Variants in WLS observed in about 807,000 individuals in gnomAD.
The protein encoded by WLS is Wnt ligand secretion mediator.
In WLS, 23 loss-of-function variants were observed where a neutral mutation model predicts 62.8. That is an observed-to-expected ratio of 0.37 (90% confidence interval 0.26 to 0.52). The LOEUF is 0.52. Among genes scored for constraint, WLS ranks in the 20% least tolerant of loss-of-function variants. The probability of loss-of-function intolerance (pLI) is 0.92; values close to 1 mark genes in which losing one functional copy is unlikely to be tolerated. For synonymous variants in WLS, 246 were observed against 244.1 expected (o/e 1.01, Z -0.07); for missense variants, 615 against 697.3 (o/e 0.88, Z 1.33).
At chr1:68,152,687 G>A (rs1327988915) in intron 5 of WLS, among the ~76,000 whole-genome samples, 2 of 152,202 alleles carry the variant, frequency 1.3e-5, no homozygotes, top group Admixed American at 6.5e-5. Flanking sequence ...ATATGCACAA[G>A]GTTTTTGAGA....
At chr1:68,160,501 G>A (rs1646958031) in intron 2 of WLS, among the ~76,000 whole-genome samples, 1 of 152,158 alleles carries the variant, frequency 6.6e-6, no homozygotes, top group Non-Finnish European at 1.5e-5. Context: ...TTGGAAATTG[G>A]CTAATTGACA....
intron 11 of WLS, among the ~76,000 whole-genome samples, chr1:68,132,457 G>A (rs1646541315): frequency 6.6e-6 from 1 of 152,160 alleles, no homozygotes; most frequent in African/African-American, 2.4e-5. Flanking sequence ...CAGGGCCTCA[G>A]GACTTAATCC....
chr1:68,180,830 G>A (rs1647524329), intron 2 of WLS, among the ~76,000 whole-genome samples: 1 of 152,132 alleles, frequency 6.6e-6, no homozygotes, highest in African/African-American at 2.4e-5. Context: ...AAGAGAGATA[G>A]ATTCACTATG....
At chr1:68,181,248 AAAAAATACCTTCTATAC>A (rs1336082770) in intron 2 of WLS, among the ~76,000 whole-genome samples, 1 of 152,220 alleles carries the variant, frequency 6.6e-6, no homozygotes, top group Non-Finnish European at 1.5e-5. Flanking sequence ...GGTGAAAACA[AAAAAATACCTTCTATAC>A]ATTGGGGGCA....
intron 1 of WLS, among the ~76,000 whole-genome samples, chr1:68,200,401 T>A (rs991999418): frequency 2.4e-4 from 36 of 151,448 alleles, no homozygotes; most frequent in African/African-American, 8.2e-4. Context: ...CCATAAAACA[T>A]TTTGGGGTAC....
chr1:68,109,796 T>C (rs763896974), intron 11 of WLS, among the ~76,000 whole-genome samples: 5 of 151,998 alleles, frequency 3.3e-5, no homozygotes, highest in Non-Finnish European at 7.4e-5. Context: ...CCAAACTTAT[T>C]AAAACTACAG....
intron 2 of WLS, among the ~76,000 whole-genome samples, chr1:68,164,469 G>A (rs1191792987): frequency 6.6e-6 from 1 of 152,114 alleles, no homozygotes; most frequent in African/African-American, 2.4e-5. Flanking sequence ...TGGTGGTCAG[G>A]CTGGTCTTGA....
At chr1:68,153,442 C>A in intron 5 of WLS, 75 bp downstream of exon 5, 1 of 1,591,600 alleles carries the variant, frequency 6.3e-7, no homozygotes, top group Non-Finnish European at 8.6e-7. Flanking sequence ...TTGAACTGGA[C>A]ACCAGCAAAA....
At chr1:68,187,274 A>C (rs921817694) in intron 2 of WLS, among the ~76,000 whole-genome samples, 5 of 150,764 alleles carry the variant, frequency 3.3e-5, no homozygotes, top group African/African-American at 9.8e-5. Flanking sequence ...TTTTCTTGAT[A>C]GCTCTATTAA....
intron 10 of WLS, chr1:68,141,447 AC>A (rs1646684987): frequency 6.6e-6 from 1 of 152,174 alleles, no homozygotes; most frequent in Non-Finnish European, 1.5e-5. Context: ...GAAATACCAG[AC>A]TGCGATGTAC....
Position 68,126,028 on chromosome 1 carries a change from T to TTAG in WLS, c.*195_*197dup. The TTAG allele has an allele frequency of 7.0e-7, 1 of 1,424,286 alleles. No individual in the cohort carries two copies. The highest frequency in any genetic ancestry group is 1.6e-5 in the South Asian group (1 of 63,486). The allele number at this position is 1,424,286 out of a possible 1,614,324, so 88.2% of individuals were successfully genotyped here. ...AGTTTTTGTTATCATACACAATGCA[T>TTAG]TAGTGGCTGCAGGAATCTTCCTCCA... On this transcript the variant is annotated 3_prime_UTR_variant, in exon 12 of 12. Transcript: ENST00000262348.
rs374111347 is a variant in WLS at position 68,144,527 on chromosome 1, C to T, written c.1362+42G>A. ...ATTTCTGTGCAGGGTAGAGGGATCT[C>T]TGCAGAGACATTCTCACCTTGACAT... is the stretch of plus-strand genomic sequence containing the variant. On this transcript the variant is annotated intron_variant, in intron 10 of 11. Coordinates refer to ENST00000262348, the MANE Select transcript of WLS (RefSeq NM_024911.7). 106 of 1,583,044 alleles carry T rather than the reference C, an allele frequency of 6.7e-5. No homozygotes were observed. The African/African-American group carries it at 1.3e-3, about 19-fold the overall frequency.
intron 8 of WLS, among the ~76,000 whole-genome samples, chr1:68,146,573 T>C (rs1016359994): frequency 6.6e-6 from 1 of 152,170 alleles, no homozygotes; most frequent in African/African-American, 2.4e-5. Flanking sequence ...TCTGGCATAA[T>C]TGAAGAGGAG....
intron 11 of WLS, among the ~76,000 whole-genome samples, chr1:68,114,773 A>G (rs926903164): frequency 6.6e-6 from 1 of 152,228 alleles, no homozygotes; most frequent in Admixed American, 6.5e-5. Flanking sequence ...TGCCTTAGCA[A>G]AACTGCCAGT....
intron 11 of WLS, among the ~76,000 whole-genome samples, chr1:68,103,948 A>G (rs1169075771): frequency 6.6e-6 from 1 of 152,084 alleles, no homozygotes; most frequent in Admixed American, 6.6e-5. Context: ...TTCCTCCTTG[A>G]CTTGGCTGTC....
chr1:68,163,071 T>G, intron 2 of WLS: 1 of 1,574,200 alleles, frequency 6.4e-7, no homozygotes, highest in Non-Finnish European at 8.7e-7. Flanking sequence ...CTTGACTTTG[T>G]GCTTATCCAC....
At chr1:68,173,806 T>A (rs1248459884) in intron 2 of WLS, among the ~76,000 whole-genome samples, 2 of 152,322 alleles carry the variant, frequency 1.3e-5, no homozygotes, top group East Asian at 3.9e-4. Context: ...GGACTTTCCC[T>A]GCTGACTTCT....
intron 1 of WLS, among the ~76,000 whole-genome samples, chr1:68,210,973 T>TA (rs1410634103): frequency 1.3e-5 from 2 of 152,136 alleles, no homozygotes. Context: ...GACACTCTGA[T>TA]GCCTCTTTCT....
chr1:68,216,469 A>G (rs1649732487), intron 1 of WLS, among the ~76,000 whole-genome samples: 1 of 152,232 alleles, frequency 6.6e-6, no homozygotes, highest in South Asian at 2.1e-4. Flanking sequence ...TCACAAACAC[A>G]CAACAGAGCA....
Sources: allele counts gnomAD v4.1 joint callset (sites outside exome capture counted in the v4.1 genomes callset), GRCh38; gene constraint gnomAD v4.1.1; transcripts MANE v1.5; gene names NCBI Gene and HGNC (gene_info 2026-07-23, HGNC 2026-07-21).